FGF12: variants seen among roughly 807,000 people sequenced by gnomAD.
FGF12 encodes the protein fibroblast growth factor 12B.
In FGF12, 14 loss-of-function variants were observed where a neutral mutation model predicts 23.6. The ratio of observed to expected loss-of-function variants is 0.59; its 90% CI spans 0.39 to 0.93. The LOEUF is 0.93. FGF12 is among the 40% of genes least tolerant of loss of function. The probability of loss-of-function intolerance (pLI) is 0.00; values close to 1 mark genes in which losing one functional copy is unlikely to be tolerated. For synonymous variants in FGF12, 62 were observed against 77.3 expected (o/e 0.80, Z 1.04); for missense variants, 175 against 217.8 (o/e 0.80, Z 1.24).
At position 192,598,729 on chromosome 3, in the gene FGF12, G is replaced by T. The variant is rs114730897; in HGVS notation, c.13+128452C>A. ...AATAGTAGATGTGTAATTATTAAAT[G>T]GACTAGAGTTAAATATCAAGGCACT... On this transcript the variant is annotated intron_variant, in intron 2 of 5. Coordinates refer to ENST00000445105, the MANE Select transcript of FGF12 (RefSeq NM_004113.6). Among the ~76,000 whole-genome samples, 599 of 152,238 alleles carry T rather than the reference G, an allele frequency of 3.9e-3. 9 individuals carry two copies. Among genetic ancestry groups the T allele is most frequent in the Admixed American group, 0.014 (214 of 15,268 alleles).
chr3:192,212,387 A>G (rs908789806), intron 4 of FGF12, among the ~76,000 whole-genome samples: 9 of 151,954 alleles, frequency 5.9e-5, no homozygotes, highest in Non-Finnish European at 1.2e-4. Flanking sequence ...TAGTTCAGGC[A>G]GTTAGTTTCA....
intron 2 of FGF12, among the ~76,000 whole-genome samples, chr3:192,429,089 A>G (rs906592933): frequency 1.3e-5 from 2 of 152,276 alleles, no homozygotes; most frequent in African/African-American, 4.8e-5. Flanking sequence ...AACACCTAGC[A>G]CAATGCCTGA....
chr3:192,423,791 A>C (rs1721608539), intron 2 of FGF12, among the ~76,000 whole-genome samples: 1 of 152,288 alleles, frequency 6.6e-6, no homozygotes, highest in Non-Finnish European at 1.5e-5. Flanking sequence ...TAGGCTTTTT[A>C]AAAAAGTTCT....
intron 2 of FGF12, among the ~76,000 whole-genome samples, chr3:192,361,892 G>A (rs1004140094): frequency 6.6e-6 from 1 of 152,126 alleles, no homozygotes; most frequent in Non-Finnish European, 1.5e-5. Flanking sequence ...CAAGAAAATT[G>A]GGAATGAGGA....
chr3:192,192,324 A>G (rs1716833396), intron 4 of FGF12, among the ~76,000 whole-genome samples: 1 of 151,612 alleles, frequency 6.6e-6, no homozygotes, highest in Admixed American at 6.6e-5. Context: ...GCTTACAAAA[A>G]TTTATAAGTA....
In FGF12 at chr3:192,247,196, T is replaced by C. The variant is rs112113586; in HGVS notation, c.229-76540A>G. 2.2e-3 allele frequency among the ~76,000 whole-genome samples: 335 copies of C among 152,222 alleles called. 2 individuals are homozygous for C. The highest frequency in any genetic ancestry group is 5.5e-3 in the African/African-American group (230 of 41,560). ...TGCTAAGACTTGCTGATGGGAAACA[T>C]TTGTGTAGCACAAACCCAAATCTGT... is the stretch of plus-strand genomic sequence containing the variant. On this transcript the variant is annotated intron_variant, in intron 4 of 5. Coordinates refer to ENST00000445105, the MANE Select transcript of FGF12 (RefSeq NM_004113.6).
At chr3:192,703,262 G>A (rs536872626) in intron 2 of FGF12, among the ~76,000 whole-genome samples, 5 of 152,278 alleles carry the variant, frequency 3.3e-5, no homozygotes, top group African/African-American at 1.2e-4. Context: ...GGCTACTAGT[G>A]CATAGAAAAG....
chr3:192,480,123 A>T (rs1723440700), intron 2 of FGF12, among the ~76,000 whole-genome samples: 1 of 152,182 alleles, frequency 6.6e-6, no homozygotes, highest in Non-Finnish European at 1.5e-5. Context: ...TTCTGTGGGG[A>T]TGGAGACAAA....
At chr3:192,415,732 T>TCACACACA (rs572589902) in intron 2 of FGF12, among the ~76,000 whole-genome samples, 32 of 118,006 alleles carry the variant, frequency 2.7e-4, no homozygotes, top group African/African-American at 4.7e-4. Flanking sequence ...TCTCTCTCTC[T>TCACACACA]CACACACACA....
At chr3:192,506,787 G>T (rs1001513298) in intron 2 of FGF12, among the ~76,000 whole-genome samples, 1 of 151,998 alleles carries the variant, frequency 6.6e-6, no homozygotes, top group Non-Finnish European at 1.5e-5. Flanking sequence ...TCTAACAGCC[G>T]TATGATCTCC....
chr3:192,506,678 G>A (rs1724312119), intron 2 of FGF12, among the ~76,000 whole-genome samples: 1 of 151,326 alleles, frequency 6.6e-6, no homozygotes, highest in African/African-American at 2.4e-5. Flanking sequence ...GGCTAACATA[G>A]TTTATTCTTT....
At chr3:192,155,056 G>C (rs1182410282) in intron 5 of FGF12, among the ~76,000 whole-genome samples, 10 of 150,814 alleles carry the variant, frequency 6.6e-5, no homozygotes, top group Non-Finnish European at 1.5e-4. Context: ...CGCAATATTC[G>C]GGTGGGAGTG....
At chr3:192,561,661 A>G (rs1712043291) in intron 2 of FGF12, among the ~76,000 whole-genome samples, 1 of 152,134 alleles carries the variant, frequency 6.6e-6, no homozygotes, top group South Asian at 2.1e-4. Flanking sequence ...CGTGCCTGGA[A>G]AATACTATTT....
chr3:192,191,046 G>A (rs1288322122), intron 4 of FGF12, among the ~76,000 whole-genome samples: 1 of 152,174 alleles, frequency 6.6e-6, no homozygotes, highest in Non-Finnish European at 1.5e-5. Context: ...AATTAGACAA[G>A]ATATTGTAAG....
chr3:192,624,689 G>A (rs962997096), intron 2 of FGF12, among the ~76,000 whole-genome samples: 5 of 152,100 alleles, frequency 3.3e-5, no homozygotes, highest in East Asian at 1.9e-4. Flanking sequence ...TCGTAGCAAG[G>A]AGAAAGTTGC....
At chr3:192,687,053 T>A (rs1423073084) in intron 2 of FGF12, among the ~76,000 whole-genome samples, 2 of 150,970 alleles carry the variant, frequency 1.3e-5, no homozygotes, top group Non-Finnish European at 3.0e-5. Flanking sequence ...ATGGTCTCCA[T>A]CTCCTGACCT....
intron 2 of FGF12, among the ~76,000 whole-genome samples, chr3:192,367,641 T>C (rs377439244): frequency 6.6e-6 from 1 of 152,156 alleles, no homozygotes; most frequent in Non-Finnish European, 1.5e-5. Context: ...TACTGATCTA[T>C]GGGGATTCAG....
At chr3:192,302,882 A>T (rs887591253) in intron 4 of FGF12, among the ~76,000 whole-genome samples, 1 of 152,190 alleles carries the variant, frequency 6.6e-6, no homozygotes, top group East Asian at 1.9e-4. Flanking sequence ...CAAGAAGGGA[A>T]AGAATGAACA....
At chr3:192,589,793 C>T (rs560724745) in intron 2 of FGF12, among the ~76,000 whole-genome samples, 23 of 151,898 alleles carry the variant, frequency 1.5e-4, no homozygotes, top group African/African-American at 5.5e-4. Context: ...GACTGATGCT[C>T]GGAGGACACA....
Sources: allele counts gnomAD v4.1 joint callset (sites outside exome capture counted in the v4.1 genomes callset), GRCh38; gene constraint gnomAD v4.1.1; transcripts MANE v1.5; gene names NCBI Gene and HGNC (gene_info 2026-07-23, HGNC 2026-07-21).